CDK14: variants seen among roughly 807,000 people sequenced by gnomAD.
CDK14 encodes the protein cyclin dependent kinase 14, also known as cyclin-dependent kinase 14.
In CDK14, 34 loss-of-function variants were observed where a neutral mutation model predicts 60.7. That is an observed-to-expected ratio of 0.56 (90% CI 0.43 to 0.75). CDK14 has a LOEUF of 0.75. Ranked by LOEUF, CDK14 falls within the 30% of genes least tolerant of loss-of-function variation. The pLI, the probability that CDK14 is intolerant of heterozygous loss-of-function variation, is 0.00. For synonymous variants in CDK14, 197 were observed against 203.7 expected, an observed-to-expected ratio of 0.97 and a Z score of 0.28; for missense variants, 482 against 564.1, an observed-to-expected ratio of 0.85 and a Z score of 1.47.
intron 2 of CDK14, among the ~76,000 whole-genome samples, chr7:90,697,356 T>TA (rs201890483): frequency 1.1e-4 from 17 of 151,672 alleles, no homozygotes; most frequent in East Asian, 3.9e-4. Context: ...ATTGTGGTGC[T>TA]AAAAAAAAAT....
intron 2 of CDK14, among the ~76,000 whole-genome samples, chr7:90,658,696 T>C (rs1458525231): frequency 2.0e-5 from 3 of 152,224 alleles, no homozygotes; most frequent in Admixed American, 2.0e-4. Context: ...TTTATTCATT[T>C]GGTTGCTGGA....
At chr7:90,991,156 G>T (rs1016960277) in intron 10 of CDK14, among the ~76,000 whole-genome samples, 7 of 152,172 alleles carry the variant, frequency 4.6e-5, no homozygotes, top group Non-Finnish European at 8.8e-5. Context: ...CATTGAAAAG[G>T]AGTACCACTG....
intron 8 of CDK14, among the ~76,000 whole-genome samples, chr7:90,945,406 T>G (rs1296752925): frequency 1.3e-5 from 2 of 152,216 alleles, no homozygotes; most frequent in African/African-American, 4.8e-5. Context: ...ATGAAGGGAC[T>G]GTTTATGAAA....
At chr7:90,953,919 G>C (rs1212329246) in intron 8 of CDK14, among the ~76,000 whole-genome samples, 1 of 152,080 alleles carries the variant, frequency 6.6e-6, no homozygotes, top group African/African-American at 2.4e-5. Context: ...CCTATCTATT[G>C]TTCAATTTTG....
chr7:90,854,585 C>A (rs1790758438), intron 5 of CDK14, among the ~76,000 whole-genome samples: 1 of 151,188 alleles, frequency 6.6e-6, no homozygotes, highest in Admixed American at 6.6e-5. Flanking sequence ...ATAGTAATAG[C>A]TAATATGATA....
At chr7:91,028,774 A>ATTTGTT (rs569552774) in intron 10 of CDK14, among the ~76,000 whole-genome samples, 5 of 151,718 alleles carry the variant, frequency 3.3e-5, no homozygotes, top group Middle Eastern at 3.4e-3. Flanking sequence ...TAATGGGATT[A>ATTTGTT]TTTGTTTTTG....
chr7:90,693,131 C>CT (rs1237181578), intron 2 of CDK14, among the ~76,000 whole-genome samples: 2 of 152,084 alleles, frequency 1.3e-5, no homozygotes, highest in African/African-American at 4.8e-5. Flanking sequence ...TACATATTTG[C>CT]TTTTTTCCAT....
intron 5 of CDK14, among the ~76,000 whole-genome samples, chr7:90,802,275 G>T (rs1402541991): frequency 6.6e-6 from 1 of 152,136 alleles, no homozygotes; most frequent in African/African-American, 2.4e-5. Context: ...TTCTTCAAGG[G>T]TCTTAATAAC....
intron 6 of CDK14, among the ~76,000 whole-genome samples, chr7:90,878,959 A>G (rs948790589): frequency 2.2e-4 from 34 of 152,220 alleles, no homozygotes; most frequent in Non-Finnish European, 1.2e-4. Context: ...GTATTTGCCT[A>G]ATGTAGAAGA....
At chr7:90,773,588 CCTTGAACT>C (rs1448394771) in intron 4 of CDK14, among the ~76,000 whole-genome samples, 1 of 152,136 alleles carries the variant, frequency 6.6e-6, no homozygotes, top group Non-Finnish European at 1.5e-5. Context: ...CTCACTACAG[CCTTGAACT>C]CTTGGACTCA....
At chr7:91,174,208 A>C (rs879740965) in intron 14 of CDK14, among the ~76,000 whole-genome samples, 3 of 152,002 alleles carry the variant, frequency 2.0e-5, no homozygotes, top group Non-Finnish European at 2.9e-5. Flanking sequence ...CTGACACCTC[A>C]CACGGCAGGG....
At chr7:90,933,720 G>A (rs3757817) in intron 8 of CDK14, among the ~76,000 whole-genome samples, 26,141 of 152,106 alleles carry the variant, frequency 0.17, 2,382 homozygotes, top group African/African-American at 0.21. Context: ...TTTAAGACAA[G>A]GACAGAGACA....
At chr7:90,636,858 C>G (rs1239369454) in intron 2 of CDK14, among the ~76,000 whole-genome samples, 1 of 151,974 alleles carries the variant, frequency 6.6e-6, no homozygotes, top group African/African-American at 2.4e-5. Flanking sequence ...CTGGTTTAGT[C>G]TTGGGAGAGT....
chr7:90,903,446 G>C (rs914514570), intron 7 of CDK14, among the ~76,000 whole-genome samples: 1 of 152,114 alleles, frequency 6.6e-6, no homozygotes, highest in African/African-American at 2.4e-5. Flanking sequence ...ATTATGTTAA[G>C]TGAAATAAGC....
chr7:90,891,235 A>T (rs1792114861), intron 6 of CDK14, among the ~76,000 whole-genome samples: 1 of 152,146 alleles, frequency 6.6e-6, no homozygotes, highest in Non-Finnish European at 1.5e-5. Flanking sequence ...CACCTGGAAG[A>T]GGTTGGAGTG....
At position 91,005,245 on chromosome 7, in the gene CDK14, G is replaced by T. The variant is rs1226531722; in HGVS notation, c.1041+21004G>T. 2.0e-5 allele frequency among the ~76,000 whole-genome samples: 3 copies of T among 152,264 alleles called. No homozygotes were observed. The East Asian group carries it at 5.8e-4, about 29-fold the overall frequency. ...GCTGGTGAGCCAGCAGGGAACTGCT[G>T]ACAAGGGCTGGAAAGCTGGAAGGTG... On this transcript the variant is annotated intron_variant, in intron 10 of 14. Coordinates refer to ENST00000380050, the MANE Select transcript of CDK14 (RefSeq NM_001287135.2).
At chr7:91,056,669 T>G (rs1028498465) in intron 11 of CDK14, among the ~76,000 whole-genome samples, 4 of 152,074 alleles carry the variant, frequency 2.6e-5, no homozygotes, top group Non-Finnish European at 5.9e-5. Flanking sequence ...TTTGGTTTTT[T>G]GTCTTTGCGA....
intron 2 of CDK14, among the ~76,000 whole-genome samples, chr7:90,630,237 A>G (rs1212711921): frequency 6.6e-6 from 1 of 152,192 alleles, no homozygotes. Context: ...GTCATGAGGC[A>G]GCTTTTTTGT....
At chr7:90,723,883 T>C (rs778538610) in intron 2 of CDK14, among the ~76,000 whole-genome samples, 9 of 152,192 alleles carry the variant, frequency 5.9e-5, no homozygotes, top group Non-Finnish European at 8.8e-5. Flanking sequence ...ATGAGAGAGA[T>C]TGATCTGTAG....
Sources: allele counts gnomAD v4.1 joint callset (sites outside exome capture counted in the v4.1 genomes callset), GRCh38; gene constraint gnomAD v4.1.1; transcripts MANE v1.5; gene names NCBI Gene and HGNC (gene_info 2026-07-23, HGNC 2026-07-21).